Variants in BCKDHB observed in about 807,000 individuals in gnomAD.
The protein encoded by BCKDHB is branched chain keto acid dehydrogenase E1 subunit beta.
Under a neutral mutation model 48.5 loss-of-function variants are expected in BCKDHB, and 41 were observed. The observed-to-expected ratio is 0.85, with a 90% CI of 0.66 to 1.10. BCKDHB has a LOEUF of 1.10. Ranked by LOEUF, BCKDHB falls within the 50% of genes least tolerant of loss-of-function variation. The probability of loss-of-function intolerance (pLI) is 0.00; values close to 1 mark genes in which losing one functional copy is unlikely to be tolerated. For synonymous variants in BCKDHB, 201 were observed against 174.8 expected, an observed-to-expected ratio of 1.15 and a Z score of -1.18; for missense variants, 496 against 494.2, an observed-to-expected ratio of 1.00 and a Z score of -0.03.
the BCKDHB span, among the ~76,000 whole-genome samples, chr6:80,416,087 G>A: frequency 6.6e-6 from 1 of 151,598 alleles, no homozygotes; most frequent in African/African-American, 2.4e-5. Flanking sequence ...TCTCTGAGAT[G>A]ATTTGTATTT....
chr6:80,401,651 A>G, the BCKDHB span, among the ~76,000 whole-genome samples: 4 of 151,916 alleles, frequency 2.6e-5, no homozygotes, highest in East Asian at 1.9e-4. Flanking sequence ...ATTCTTAGCT[A>G]TAGGCACTAA....
chr6:80,398,841 C>G, the BCKDHB span, among the ~76,000 whole-genome samples: 1 of 152,098 alleles, frequency 6.6e-6, no homozygotes, highest in Admixed American at 6.6e-5. Flanking sequence ...ATGCAAAAAT[C>G]TTGAGCAAAA....
chr6:80,113,246 G>A (rs1769508158), intron 1 of BCKDHB, among the ~76,000 whole-genome samples: 1 of 152,198 alleles, frequency 6.6e-6, no homozygotes, highest in Non-Finnish European at 1.5e-5. Context: ...AGATAGAAAA[G>A]AGTCCTCTCC....
the BCKDHB span, among the ~76,000 whole-genome samples, chr6:80,369,994 CA>C: frequency 6.6e-6 from 1 of 152,180 alleles, no homozygotes; most frequent in African/African-American, 2.4e-5. Flanking sequence ...ACATCATTTA[CA>C]CTTCTGTGAC....
chr6:80,299,777 C>A (rs1311286669), intron 9 of BCKDHB, among the ~76,000 whole-genome samples: 1 of 152,124 alleles, frequency 6.6e-6, no homozygotes, highest in African/African-American at 2.4e-5. Flanking sequence ...TAACCCACAG[C>A]CACTATAAAT....
rs73748794 is a variant in BCKDHB, at chr6:80,325,185, C to T, written c.1039-18479C>T. ...ATAAACATCAAATAATTTACTAGAT[C>T]AAACATGGTTTATTAACTTAAACAC... On this transcript the variant is annotated intron_variant, in intron 9 of 9. Transcript: ENST00000320393. Among the ~76,000 whole-genome samples the T allele has an allele frequency of 5.7e-3, 866 of 152,192 alleles. 6 individuals carry two copies. The highest frequency in any genetic ancestry group is 0.02 in the African/African-American group (826 of 41,518).
chr6:80,253,697 A>T (rs1009923286), intron 8 of BCKDHB, among the ~76,000 whole-genome samples: 2 of 152,196 alleles, frequency 1.3e-5, no homozygotes, highest in Admixed American at 6.5e-5. Flanking sequence ...CCTTTGATAT[A>T]GTAGTCACAG....
chr6:80,374,312 C>A, the BCKDHB span: 1 of 953,220 alleles, frequency 1.0e-6, no homozygotes, highest in South Asian at 1.3e-5. Flanking sequence ...ATTCAGCACT[C>A]TTTTTGGGCC....
the BCKDHB span, among the ~76,000 whole-genome samples, chr6:80,446,720 ATTTTTTTT>A: frequency 4.1e-4 from 46 of 111,352 alleles, no homozygotes; most frequent in East Asian, 0.012. Context: ...CTTCTGGACA[ATTTTTTTT>A]TTTTTTTTTT....
At chr6:80,298,665 A>C (rs1767391718) in intron 9 of BCKDHB, among the ~76,000 whole-genome samples, 2 of 152,218 alleles carry the variant, frequency 1.3e-5, no homozygotes, top group Non-Finnish European at 2.9e-5. Flanking sequence ...CATGTTCCCA[A>C]GGACATTTCT....
At chr6:80,152,360 A>G (rs1444823215) in intron 3 of BCKDHB, among the ~76,000 whole-genome samples, 1 of 152,186 alleles carries the variant, frequency 6.6e-6, no homozygotes, top group Non-Finnish European at 1.5e-5. Context: ...TCTTTCTTAC[A>G]TGACAAGACT....
At chr6:80,354,878 C>T in the BCKDHB span, among the ~76,000 whole-genome samples, 1 of 152,014 alleles carries the variant, frequency 6.6e-6, no homozygotes, top group Non-Finnish European at 1.5e-5. Context: ...GGTTTTATAC[C>T]AGTACTGTGC....
the BCKDHB span, among the ~76,000 whole-genome samples, chr6:80,389,919 A>T: frequency 1.3e-5 from 2 of 152,156 alleles, no homozygotes; most frequent in African/African-American, 4.8e-5. Flanking sequence ...ATCCAGTAGC[A>T]AAATTTTTGC....
chr6:80,233,927 C>T (rs186336799), intron 8 of BCKDHB, among the ~76,000 whole-genome samples: 28 of 152,256 alleles, frequency 1.8e-4, no homozygotes, highest in African/African-American at 6.0e-4. Flanking sequence ...TTTCCACAGA[C>T]TGGAAGACAA....
At chr6:80,169,723 G>A in intron 5 of BCKDHB, 1 of 1,243,718 alleles carries the variant, frequency 8.0e-7, no homozygotes, top group Non-Finnish European at 1.1e-6. Context: ...TGAATCCAGA[G>A]ATGTATATTT....
chr6:80,212,141 A>AACAGAAAACGGGGTTGTT (rs1407121280), intron 8 of BCKDHB, among the ~76,000 whole-genome samples: 10 of 152,154 alleles, frequency 6.6e-5, no homozygotes, highest in Non-Finnish European at 1.3e-4. Context: ...CTTGATAAGC[A>AACAGAAAACGGGGTTGTT]TCTTAAACAA....
intron 1 of BCKDHB, among the ~76,000 whole-genome samples, chr6:80,124,237 A>T (rs981864754): frequency 2.6e-5 from 4 of 152,124 alleles, no homozygotes; most frequent in Admixed American, 2.6e-4. Context: ...TTCTAATTTG[A>T]TTGCACTGCG....
chr6:80,229,928 C>T (rs1038016927), intron 8 of BCKDHB, among the ~76,000 whole-genome samples: 1 of 149,350 alleles, frequency 6.7e-6, no homozygotes, highest in East Asian at 2.0e-4. Context: ...CTGTTAAAAT[C>T]AGACTAAAAT....
chr6:80,241,075 C>A (rs1168773633), intron 8 of BCKDHB, among the ~76,000 whole-genome samples: 1 of 152,126 alleles, frequency 6.6e-6, no homozygotes, highest in Non-Finnish European at 1.5e-5. Flanking sequence ...TCACGTTGTT[C>A]TCATGTCATG....
Sources: gnomAD v4.1 joint callset for allele counts (sites outside exome capture counted in the v4.1 genomes callset) on GRCh38, gnomAD v4.1.1 for gene constraint, MANE v1.5 for transcripts, NCBI Gene and HGNC (gene_info 2026-07-23, HGNC 2026-07-21) for gene names.